The following HMGXB3 variants were observed in gnomAD, a reference collection of about 807,000 sequenced individuals.
HMGXB3 encodes HMG domain-containing protein 3.
Under a neutral mutation model 121.5 loss-of-function variants are expected in HMGXB3, and 45 were observed. The observed-to-expected ratio is 0.37, with a 90% CI of 0.29 to 0.47. The LOEUF (loss-of-function observed/expected upper bound fraction) is 0.47, where lower values mean the gene tolerates loss of function less well. Among genes scored for constraint, HMGXB3 ranks in the 20% least tolerant of loss-of-function variants. The pLI, the probability that HMGXB3 is intolerant of heterozygous loss-of-function variation, is 0.99. For synonymous variants in HMGXB3, 590 were observed against 624.1 expected, an observed-to-expected ratio of 0.95 and a Z score of 0.81; for missense variants, 1,376 against 1,602.2, an observed-to-expected ratio of 0.86 and a Z score of 2.41.
chr5:150,044,858 C>T (rs1756721377), intron 15 of HMGXB3, among the ~76,000 whole-genome samples: 1 of 152,192 alleles, frequency 6.6e-6, no homozygotes, highest in South Asian at 2.1e-4. Context: ...GTAGCACAAG[C>T]GCTATTAATA....
rs373146567 is a variant in HMGXB3 at position 150,035,646 on chromosome 5, T to A, written c.1984-990T>A. On this transcript the variant is annotated intron_variant, in intron 11 of 19. Coordinates refer to ENST00000502717, the MANE Select transcript of HMGXB3 (RefSeq NM_014983.3). ...CTTACTGAAGCGGGGAGGGTGGTGGTTTAGCAGCTGTCAGATGATGAATTC... is the reference window on the plus strand; with the variant it reads ...CTTACTGAAGCGGGGAGGGTGGTGGATTAGCAGCTGTCAGATGATGAATTC... Among the ~76,000 whole-genome samples the A allele has an allele frequency of 1.5e-3, 222 of 152,132 alleles. 2 individuals carry two copies. In the South Asian group the frequency reaches 0.035, roughly 24 times the overall value.
chr5:150,018,782 G>C lies in HMGXB3; in HGVS notation c.1041+85G>C. ...ATTAGGAACAGGTGATTTTTAAAAA[G>C]TTAACATTTGTTTTTACTGTCTGAC... On this transcript the variant is annotated intron_variant, in intron 6 of 19. Transcript: ENST00000502717. 5.5e-6 allele frequency: 7 copies of C among 1,274,940 alleles called. No individual in the cohort carries two copies. In the South Asian group the frequency reaches 1.2e-4, roughly 21 times the overall value. 79.0% of individuals were successfully genotyped at this position (1,274,940 alleles called of 1,614,324 possible).
chr5:150,025,438 A>G (rs571131218), intron 7 of HMGXB3, among the ~76,000 whole-genome samples: 3 of 152,372 alleles, frequency 2.0e-5, no homozygotes, highest in African/African-American at 7.2e-5. Context: ...TTCCTGGAAA[A>G]ATAAGAATAC....
At chr5:150,026,963 G>C (rs558641093) in intron 8 of HMGXB3, 57 bp from the exon 9 acceptor site, 843 of 1,540,662 alleles carry the variant, frequency 5.5e-4, no homozygotes, top group Non-Finnish European at 7.0e-4. Flanking sequence ...CGGACATAGA[G>C]ACTTGGGGAG....
intron 4 of HMGXB3, 139 bp from the exon 5 acceptor site, chr5:150,012,116 A>T (rs1755853707): frequency 4.8e-6 from 3 of 622,746 alleles, no homozygotes; most frequent in Non-Finnish European, 8.7e-6. Flanking sequence ...ATAATCATAA[A>T]TTCATTCCTT....
Position 150,036,715 on chromosome 5 carries a change from C to G in HMGXB3, c.2063C>G (p.Ser688Cys). ...STAQREIQRQ[S>C]TLQLLRKVLQ... ...GCCCAGAGGGAGATCCAGCGCCAGT[C>G]CACACTGCAGCTGCTGCGCAAAGTC... is the stretch of plus-strand genomic sequence containing the variant. The change falls in exon 12 of 20, where the codon TCC (serine) becomes TGC (cysteine). Residue 688 changes from serine to cysteine, a missense_variant. This residue lies in a region of HMGXB3 where 1,116 missense variants were observed against 1,369.0 expected (regional missense o/e 0.82). Transcript: ENST00000502717. The G allele has an allele frequency of 1.9e-6, 3 of 1,551,500 alleles. No individual in the cohort carries two copies. Among genetic ancestry groups the G allele is most frequent in the Non-Finnish European group, 1.7e-6 (2 of 1,146,982 alleles).
chr5:150,036,027 C>T (rs1277566590), intron 11 of HMGXB3, among the ~76,000 whole-genome samples: 1 of 152,036 alleles, frequency 6.6e-6, no homozygotes, highest in Non-Finnish European at 1.5e-5. Flanking sequence ...ATTTTTATGC[C>T]CCATTTCACA....
rs1489738662 is a variant in HMGXB3, at chr5:150,051,875, C to T, written c.3562C>T (p.His1188Tyr). Residue 1188 changes from histidine (H) to tyrosine (Y), a missense_variant, in exon 20 of 20, where the codon CAC becomes TAC. Coordinates refer to ENST00000502717, the MANE Select transcript of HMGXB3 (RefSeq NM_014983.3). The part of the protein sequence containing the change: ...QPNPGDPSAG[H>Y]HSLALCPELA... ...CAATCCTGGTGACCCCAGTGCTGGG[C>T]ACCACTCCTTGGCCCTGTGCCCTGA... 1.3e-6 allele frequency: 2 copies of T among 1,551,332 alleles called. No homozygotes were observed. The highest frequency in any genetic ancestry group is 1.7e-6 in the Non-Finnish European group (2 of 1,147,102).
intron 5 of HMGXB3, chr5:150,014,778 G>A (rs565584543): frequency 2.6e-6 from 1 of 381,348 alleles, no homozygotes; most frequent in East Asian, 5.5e-5. Context: ...CTCTCTAGGA[G>A]TTTAATCTGG....
intron 13 of HMGXB3, 115 bp from the exon 14 acceptor site, chr5:150,040,633 C>A: frequency 9.7e-7 from 1 of 1,033,316 alleles, no homozygotes; most frequent in Non-Finnish European, 1.4e-6. Context: ...CTGCCTCATC[C>A]TCCCAAGTGC....
chr5:150,048,767 G>C (rs1349660630), intron 18 of HMGXB3, 82 bp downstream of exon 18: 8 of 1,072,310 alleles, frequency 7.5e-6, no homozygotes, highest in East Asian at 5.2e-5. Flanking sequence ...GCTCAGTTTT[G>C]GGGGGCTAGA....
At chr5:150,038,282 C>T (rs889641220) in intron 13 of HMGXB3, among the ~76,000 whole-genome samples, 3 of 152,106 alleles carry the variant, frequency 2.0e-5, no homozygotes, top group Non-Finnish European at 4.4e-5. Context: ...GATGTATTCT[C>T]TTTGTCTTAG....
rs200294659 is a variant in HMGXB3, at chr5:150,010,519, G to T, written c.721G>T (p.Val241Leu). Residue 241 changes from valine (V) to leucine (L), a missense_variant, in exon 4 of 20, where the codon GTG (valine) becomes TTG (leucine). Transcript: ENST00000502717. ...QTSLVIEETL[V>L]NGSPDLPTGS... ...AAGCCTGGTAATTGAAGAGACCTTG[G>T]TGAATGGCTCACCAGACCTCCCCAC... The T allele has an allele frequency of 1.9e-6, 3 of 1,551,522 alleles. No individual in the cohort carries two copies. Among genetic ancestry groups the T allele is most frequent in the African/African-American group, 2.7e-5 (2 of 73,066 alleles).
chr5:150,041,392 T>C (rs139293630), intron 14 of HMGXB3, among the ~76,000 whole-genome samples: 1 of 152,366 alleles, frequency 6.6e-6, no homozygotes, highest in East Asian at 1.9e-4. Context: ...CATGGGCCTG[T>C]GTTTCAGTCT....
chr5:150,050,997 A>G (rs1756874822), intron 19 of HMGXB3, among the ~76,000 whole-genome samples: 1 of 152,236 alleles, frequency 6.6e-6, no homozygotes, highest in Non-Finnish European at 1.5e-5. Context: ...TTAGTTGACC[A>G]TGGATAACAC....
rs1361041253 is a variant in HMGXB3, at chr5:150,024,554, A to T, written c.1334A>T (p.Lys445Ile). ...GCAGTCACTAAGACGCCAGTCGTCA[A>T]AAGTGGTGTGCAGCCTGAGGTCACT... ...GTAVTKTPVV[K>I]SGVQPEVTLG... is the part of the protein sequence containing the mutation. Residue 445 changes from lysine to isoleucine, a missense_variant, in exon 7 of 20, where the codon AAA becomes ATA. Lys to Ile is a moderately radical substitution (Grantham distance 102, BLOSUM62 -3). Around this residue, in one of 2 missense-constraint regions of HMGXB3, gnomAD observed 1,116 missense variants for 1,369.0 expected, o/e 0.82. Coordinates refer to ENST00000502717, the MANE Select transcript of HMGXB3 (RefSeq NM_014983.3). 6.4e-7 allele frequency: 1 copy of T among 1,551,748 alleles called. No individual in the cohort carries two copies. The highest frequency in any genetic ancestry group is 2.4e-5 in the East Asian group (1 of 40,922).
chr5:150,009,863 A>G (rs947344255), intron 3 of HMGXB3, among the ~76,000 whole-genome samples: 2 of 152,184 alleles, frequency 1.3e-5, no homozygotes, highest in Admixed American at 6.5e-5. Context: ...TCCAGAGTTC[A>G]GTCCATGCTG....
intron 17 of HMGXB3, 121 bp downstream of exon 17, chr5:150,047,878 T>C (rs1756796967): frequency 9.1e-7 from 1 of 1,095,288 alleles, no homozygotes. Flanking sequence ...GTGCTGGCAG[T>C]CAGGGATGCC....
Position 150,050,359 on chromosome 5 carries a change from C to T in HMGXB3, c.3309C>T (p.Ala1103=), listed in dbSNP as rs1280226094. ...HWPPVYVVDM[A]TSVALCADLC... is the part of the protein sequence containing the mutation. ...CGCCTGTCTATGTGGTAGATATGGCCACGTCAGTGGCCCTGTGTGCTGACC... is the reference window on the plus strand; with the variant it reads ...CGCCTGTCTATGTGGTAGATATGGCTACGTCAGTGGCCCTGTGTGCTGACC... The change falls in exon 19 of 20, where the codon GCC becomes GCT. Residue 1103 remains alanine (A), a synonymous_variant. Coordinates refer to ENST00000502717, the MANE Select transcript of HMGXB3 (RefSeq NM_014983.3). The T allele has an allele frequency of 1.3e-6, 2 of 1,551,818 alleles. No homozygotes were observed. Among genetic ancestry groups the T allele is most frequent in the Non-Finnish European group, 1.7e-6 (2 of 1,147,004 alleles).
Sources: gnomAD v4.1 joint callset for allele counts (sites outside exome capture counted in the v4.1 genomes callset) on GRCh38, gnomAD v4.1.1 for gene constraint, gnomAD v4.1.1 regional missense constraint, MANE v1.5 for transcripts, NCBI Gene and HGNC (gene_info 2026-07-23, HGNC 2026-07-21) for gene names.